The following LAMA2 variants were observed in gnomAD, a reference collection of about 807,000 sequenced individuals.
The protein encoded by LAMA2 is laminin subunit alpha 2.
Under a neutral mutation model 364.8 loss-of-function variants are expected in LAMA2, and 269 were observed. The observed-to-expected ratio is 0.74, with a 90% confidence interval of 0.67 to 0.82. The LOEUF (loss-of-function observed/expected upper bound fraction) is 0.82. Ranked by LOEUF, LAMA2 falls within the 40% of genes least tolerant of loss-of-function variation. LAMA2 has a pLI of 0.00. For missense variants in LAMA2, 3,807 were observed against 3,873.2 expected, an observed-to-expected ratio of 0.98 and a Z score of 0.45; for synonymous variants, 1,379 against 1,370.6, an observed-to-expected ratio of 1.01 and a Z score of -0.14.
intron 9 of LAMA2, among the ~76,000 whole-genome samples, chr6:129,169,893 G>A (rs1330327233): frequency 6.8e-6 from 1 of 147,098 alleles, no homozygotes; most frequent in Non-Finnish European, 1.5e-5. Flanking sequence ...AGTCTTGGGA[G>A]AGTGTATGTG....
intron 63 of LAMA2, among the ~76,000 whole-genome samples, chr6:129,513,259 A>G (rs1405041758): frequency 6.6e-6 from 1 of 152,170 alleles, no homozygotes; most frequent in Non-Finnish European, 1.5e-5. Flanking sequence ...TTTCTGCTCA[A>G]TTTTCAAACT....
intron 1 of LAMA2, among the ~76,000 whole-genome samples, chr6:128,967,499 G>A (rs1018582617): frequency 6.6e-6 from 1 of 152,164 alleles, no homozygotes; most frequent in Non-Finnish European, 1.5e-5. Context: ...CTCCTGACCA[G>A]CATTTATGCT....
At chr6:128,888,195 G>A (rs1776256038) in intron 1 of LAMA2, among the ~76,000 whole-genome samples, 1 of 152,112 alleles carries the variant, frequency 6.6e-6, no homozygotes, top group South Asian at 2.1e-4. Flanking sequence ...TATATACCAA[G>A]CAGATAGAAA....
rs920995606 is a variant in LAMA2 at position 128,962,845 on chromosome 6, A to G, written c.112+79488A>G. On this transcript the variant is annotated intron_variant, in intron 1 of 64. Transcript: ENST00000421865. The stretch of plus-strand genomic sequence containing the variant: ...AAATTACTCCAAGTTTACTGGCTCT[A>G]TTTCTCTTCATTTGAAAACAGAATT... Among the ~76,000 whole-genome samples, 11 of 152,276 alleles carry G rather than the reference A, an allele frequency of 7.2e-5. 2 individuals carry two copies. Among genetic ancestry groups the G allele is most frequent in the Admixed American group, 5.9e-4 (9 of 15,294 alleles).
At chr6:128,929,541 G>T in intron 1 of LAMA2, 1 of 958,178 alleles carries the variant, frequency 1.0e-6, no homozygotes, top group Non-Finnish European at 1.7e-6. Context: ...AAACTCCTGA[G>T]CGACAATTAT....
intron 32 of LAMA2, among the ~76,000 whole-genome samples, chr6:129,363,801 CTG>C (rs901624011): frequency 6.6e-6 from 1 of 152,200 alleles, no homozygotes; most frequent in Non-Finnish European, 1.5e-5. Context: ...GAGAACCAGA[CTG>C]TGGATCTTGG....
rs753608193 is a variant in LAMA2, at chr6:129,342,372, C to T, written c.4341C>T (p.Phe1447=). 1.2e-6 allele frequency: 2 copies of T among 1,613,406 alleles called. No homozygotes were observed. Among genetic ancestry groups the T allele is most frequent in the Admixed American group, 1.7e-5 (1 of 60,018 alleles). ...QNCQHHTAGD[F]CERCALGYYG... is the part of the protein sequence containing the mutation. ...GTCAACATCACACTGCTGGTGACTT[C>T]TGTGAACGATGTGCTCTTGGATACT... The change falls in exon 30 of 65, where the codon TTC becomes TTT. Residue 1447 remains phenylalanine, a synonymous_variant. Coordinates refer to ENST00000421865, the MANE Select transcript of LAMA2 (RefSeq NM_000426.4).
intron 1 of LAMA2, among the ~76,000 whole-genome samples, chr6:128,898,169 C>A (rs773006665): frequency 2.0e-5 from 3 of 152,182 alleles, no homozygotes; most frequent in Non-Finnish European, 4.4e-5. Flanking sequence ...GGAGCTTTAA[C>A]TTAAAAGATC....
At chr6:129,420,898 G>A (rs532955911) in intron 40 of LAMA2, among the ~76,000 whole-genome samples, 1 of 152,122 alleles carries the variant, frequency 6.6e-6, no homozygotes, top group African/African-American at 2.4e-5. Flanking sequence ...GGTAATGATT[G>A]TCTTTTTTTA....
chr6:128,913,711 CT>C (rs1778128052), intron 1 of LAMA2, among the ~76,000 whole-genome samples: 3 of 152,088 alleles, frequency 2.0e-5, no homozygotes, highest in Admixed American at 1.3e-4. Flanking sequence ...TTAGAGGAAG[CT>C]TATTAGCAAT....
At chr6:129,388,323 C>T (rs1779139653) in intron 35 of LAMA2, among the ~76,000 whole-genome samples, 1 of 151,800 alleles carries the variant, frequency 6.6e-6, no homozygotes, top group African/African-American at 2.4e-5. Context: ...AGCAAACCAC[C>T]ATGGCATATG....
At chr6:129,378,290 T>C (rs1180709464) in intron 34 of LAMA2, among the ~76,000 whole-genome samples, 1 of 152,214 alleles carries the variant, frequency 6.6e-6, no homozygotes, top group African/African-American at 2.4e-5. Context: ...ATCAGACAGA[T>C]AGTTCCTATC....
intron 12 of LAMA2, among the ~76,000 whole-genome samples, chr6:129,235,814 CTT>C (rs1186564716): frequency 1.3e-5 from 2 of 152,138 alleles, no homozygotes; most frequent in East Asian, 3.8e-4. Context: ...TCTCCTTCCT[CTT>C]TTGGGTTAAA....
intron 34 of LAMA2, among the ~76,000 whole-genome samples, chr6:129,381,336 T>C (rs866970830): frequency 2.6e-5 from 4 of 151,868 alleles, no homozygotes; most frequent in South Asian, 2.1e-4. Flanking sequence ...AACATCTTTT[T>C]TTTTCTTTTC....
At chr6:129,319,184 A>G (rs1198123058) in intron 27 of LAMA2, among the ~76,000 whole-genome samples, 1 of 152,188 alleles carries the variant, frequency 6.6e-6, no homozygotes, top group Non-Finnish European at 1.5e-5. Flanking sequence ...GTGGTTTTCT[A>G]AAGTTCCTGA....
rs201073825 is a variant in LAMA2 at position 129,397,550 on chromosome 6, T to C, written c.5446-3674T>C. Among the ~76,000 whole-genome samples the C allele has an allele frequency of 2.6e-5, 4 of 152,136 alleles. No individual in the cohort carries two copies. The East Asian group carries it at 5.8e-4, about 22-fold the overall frequency. ...CCATAGAACAAACCCAGATACTCTA[T>C]ACTTTTGTCAATATTTGTGAGCTCC... On this transcript the variant is annotated intron_variant, in intron 37 of 64. Coordinates refer to ENST00000421865, the MANE Select transcript of LAMA2 (RefSeq NM_000426.4).
intron 15 of LAMA2, among the ~76,000 whole-genome samples, chr6:129,266,741 G>A (rs999631712): frequency 3.9e-5 from 6 of 152,096 alleles, no homozygotes; most frequent in African/African-American, 1.2e-4. Flanking sequence ...TATATGATGA[G>A]TCCTTTTATA....
At chr6:128,942,172 C>T (rs569840223) in intron 1 of LAMA2, among the ~76,000 whole-genome samples, 38 of 152,044 alleles carry the variant, frequency 2.5e-4, no homozygotes, top group Non-Finnish European at 5.0e-4. Flanking sequence ...AAGCTTTTTT[C>T]ATAGCCATAA....
At chr6:129,200,183 T>C (rs137889532) in intron 12 of LAMA2, among the ~76,000 whole-genome samples, 2,524 of 143,118 alleles carry the variant, frequency 0.018, 64 homozygotes, top group Non-Finnish European at 0.027. Context: ...CACATATACA[T>C]GTGTATATAT....
Sources: gnomAD v4.1 joint callset for allele counts (sites outside exome capture counted in the v4.1 genomes callset) on GRCh38, gnomAD v4.1.1 for gene constraint, MANE v1.5 for transcripts, NCBI Gene and HGNC (gene_info 2026-07-23, HGNC 2026-07-21) for gene names.